The following PGR variants were observed in gnomAD, a reference collection of about 807,000 sequenced individuals.
The protein encoded by PGR is progesterone receptor, also known as nuclear receptor subfamily 3 group C member 3.
In PGR, 25 loss-of-function variants were observed where a neutral mutation model predicts 76.1. The observed-to-expected ratio is 0.33, with a 90% confidence interval of 0.24 to 0.46. The LOEUF (loss-of-function observed/expected upper bound fraction) is 0.46, where lower values mean the gene tolerates loss of function less well. Among genes scored for constraint, PGR ranks in the 20% least tolerant of loss-of-function variants. The probability of loss-of-function intolerance (pLI) is 1.00; values close to 1 mark genes in which losing one functional copy is unlikely to be tolerated. For missense variants in PGR, 1,172 were observed against 1,225.3 expected (o/e 0.96, Z 0.65); for synonymous variants, 579 against 535.0 (o/e 1.08, Z -1.14).
chr11:101,046,392 A>T (rs1859888905), intron 6 of PGR, among the ~76,000 whole-genome samples: 1 of 136,450 alleles, frequency 7.3e-6, no homozygotes, highest in South Asian at 2.3e-4. Flanking sequence ...GGTTCAAGCC[A>T]TCTGCCCAGC....
intron 2 of PGR, among the ~76,000 whole-genome samples, chr11:101,094,912 G>A (rs945987185): frequency 2.6e-5 from 4 of 152,112 alleles, no homozygotes; most frequent in East Asian, 1.9e-4. Context: ...GAGTGAATTT[G>A]GTCCTTTTTA....
intron 3 of PGR, among the ~76,000 whole-genome samples, chr11:101,084,909 T>C (rs529390501): frequency 1.3e-5 from 2 of 152,160 alleles, no homozygotes; most frequent in South Asian, 4.1e-4. Flanking sequence ...AATAAGAAGA[T>C]TTAACTATCC....
Position 101,041,994 on chromosome 11 carries a change from C to T in PGR, c.2597G>A (p.Ser866Asn), listed in dbSNP as rs780426100. 2.2e-5 allele frequency: 35 copies of T among 1,613,454 alleles called. No individual in the cohort carries two copies. The highest frequency in any genetic ancestry group is 1.6e-4 in the Middle Eastern group (1 of 6,082). Residue 866 changes from serine (S) to asparagine (N), a missense_variant, in exon 7 of 8, where the codon AGC (serine) becomes AAC (asparagine). Transcript: ENST00000325455. ...TGTAAGTTGATAGAAACGCTGTGAG[C>T]TCGACACAACTCCTTTTTGCCTCAA... ...IGLRQKGVVS[S>N]SQRFYQLTKL...
intron 1 of PGR, 41 bp from the exon 2 acceptor site, chr11:101,126,199 CA>C: frequency 6.3e-7 from 1 of 1,596,194 alleles, no homozygotes. Context: ...TTTTTAAGTG[CA>C]CCACTATCTA....
intron 3 of PGR, among the ~76,000 whole-genome samples, chr11:101,068,470 C>T (rs1376533007): frequency 2.0e-5 from 3 of 152,088 alleles, no homozygotes; most frequent in African/African-American, 2.4e-5. Context: ...CCAATAATAG[C>T]TCCATCAAGC....
At chr11:101,105,555 C>G (rs1382142642) in intron 2 of PGR, among the ~76,000 whole-genome samples, 1 of 148,790 alleles carries the variant, frequency 6.7e-6, no homozygotes, top group East Asian at 2.0e-4. Flanking sequence ...GAACTACAAA[C>G]CACTGCTCAA....
chr11:101,064,317 G>C (rs1218173527), intron 3 of PGR, among the ~76,000 whole-genome samples: 1 of 89,830 alleles, frequency 1.1e-5, no homozygotes, highest in African/African-American at 4.6e-5. Flanking sequence ...GGTGACAAGG[G>C]AGAAACTCCA....
rs931939330 is a variant in PGR, at chr11:101,034,373, T to A, written c.*4743A>T. The stretch of plus-strand genomic sequence containing the variant: ...TGTGCCTGTGACCTGAGCTCTGCCT[T>A]GGAATGAGGTCAACTCCAAGGAGGA... On this transcript the variant is annotated 3_prime_UTR_variant, in exon 8 of 8. Coordinates refer to ENST00000325455, the MANE Select transcript of PGR (RefSeq NM_000926.4). The A allele has an allele frequency of 1.4e-5, 3 of 208,738 alleles. No individual in the cohort carries two copies. Among genetic ancestry groups the A allele is most frequent in the Non-Finnish European group, 2.9e-5 (3 of 102,594 alleles). 12.9% of individuals were successfully genotyped at this position (208,738 alleles called of 1,614,324 possible). A position where few individuals can be genotyped will look rare whatever the true frequency, so the allele number is the denominator to read the frequency against.
chr11:101,059,704 C>T (rs188865386), intron 4 of PGR, among the ~76,000 whole-genome samples: 11 of 151,454 alleles, frequency 7.3e-5, no homozygotes, highest in East Asian at 2.0e-4. Flanking sequence ...AGCAAGGTGG[C>T]GCATGCCTGT....
In PGR at chr11:101,079,382, A is replaced by G. The variant is rs186235683; in HGVS notation, c.1906+12378T>C. On this transcript the variant is annotated intron_variant, in intron 3 of 7. Transcript: ENST00000325455. ...TTTGAAAACTATTCATCTGACAAGG[A>G]GTTAATTATCAGAATATATAAGGAA... Among the ~76,000 whole-genome samples, 696 of 152,152 alleles carry G rather than the reference A, an allele frequency of 4.6e-3. 4 individuals carry two copies. The highest frequency in any genetic ancestry group is 7.8e-3 in the Non-Finnish European group (531 of 68,004).
rs11571226 is a variant in PGR, at chr11:101,061,211, C to T, written c.2212+1236G>A. On this transcript the variant is annotated intron_variant, in intron 4 of 7. Coordinates refer to ENST00000325455, the MANE Select transcript of PGR (RefSeq NM_000926.4). Reference sequence around the variant, plus strand: ...TTAAAGCTCTGTCAAGTTTGATAACCACTATGTGATAAATCTTAAACATTT... The same window carrying T: ...TTAAAGCTCTGTCAAGTTTGATAACTACTATGTGATAAATCTTAAACATTT... 9.0e-3 allele frequency among the ~76,000 whole-genome samples: 1,369 copies of T among 152,150 alleles called. 12 individuals carry two copies. The highest frequency in any genetic ancestry group is 0.031 in the African/African-American group (1,300 of 41,518).
In PGR at chr11:101,126,156, G is replaced by T; in HGVS notation, c.1640C>A (p.Pro547Gln). 1 of 1,613,830 alleles carries T rather than the reference G, an allele frequency of 6.2e-7. No homozygotes were observed. Among genetic ancestry groups the T allele is most frequent in the Non-Finnish European group, 8.5e-7 (1 of 1,179,866 alleles). ...VYPPYLNYLR[P>Q]DSEASQSPQY... ...TGGGCTCTGGCTGGCTTCTGAATCC[G>T]GCCTTGAAATGCAAAACAAAGTACT... Residue 547 changes from proline (P) to glutamine (Q), a missense_variant and splice_region_variant, in exon 2 of 8, where the codon CCG becomes CAG. By Grantham distance (76) the Pro-to-Gln change is moderately conservative (BLOSUM62 -1). This residue lies in a region of PGR where 893 missense variants were observed against 785.9 expected (regional missense o/e 1.14). Transcript: ENST00000325455.
At position 101,036,814 on chromosome 11, in the gene PGR, T is replaced by A. The variant is rs11571285; in HGVS notation, c.*2302A>T. On this transcript the variant is annotated 3_prime_UTR_variant, in exon 8 of 8. Transcript: ENST00000325455. ...AAATTAGAAAATTTTAAAGTTATTATGGAAATTAAATATATGCTGGTGGAA... is the reference window on the plus strand; with the variant it reads ...AAATTAGAAAATTTTAAAGTTATTAAGGAAATTAAATATATGCTGGTGGAA... 461 of 191,762 alleles carry A rather than the reference T, an allele frequency of 2.4e-3. 2 individuals are homozygous for A. The highest frequency in any genetic ancestry group is 0.01 in the African/African-American group (442 of 43,146). 11.9% of individuals were successfully genotyped at this position (191,762 alleles called of 1,614,324 possible). A position where few individuals can be genotyped will look rare whatever the true frequency, so the allele number is the denominator to read the frequency against.
intron 3 of PGR, among the ~76,000 whole-genome samples, chr11:101,069,900 T>C (rs1042428903): frequency 1.8e-4 from 27 of 151,764 alleles, no homozygotes; most frequent in African/African-American, 6.1e-4. Context: ...AAACATCTAA[T>C]GTAGATGATG....
intron 2 of PGR, among the ~76,000 whole-genome samples, chr11:101,118,703 A>G (rs1862582679): frequency 6.6e-6 from 1 of 152,224 alleles, no homozygotes; most frequent in African/African-American, 2.4e-5. Context: ...CATATCACTT[A>G]TTAAAAAGCA....
chr11:101,031,324 T>C lies in PGR; in HGVS notation c.*7792A>G, dbSNP rs972682539. The C allele has an allele frequency of 1.8e-5, 4 of 222,428 alleles. No individual in the cohort carries two copies. Among genetic ancestry groups the C allele is most frequent in the Admixed American group, 1.1e-4 (2 of 17,410 alleles). The allele number at this position is 222,428 out of a possible 1,614,324, so 13.8% of individuals were successfully genotyped here. A position where few individuals can be genotyped will look rare whatever the true frequency, so the allele number is the denominator to read the frequency against. ...GACTGGTGTATGGCCAGTGAGGACC[T>C]GGAGAAAGAAACCTCCTTCCCACAG... On this transcript the variant is annotated 3_prime_UTR_variant, in exon 8 of 8. Coordinates refer to ENST00000325455, the MANE Select transcript of PGR (RefSeq NM_000926.4).
In PGR at chr11:101,037,297, TTATC is replaced by T. The variant is rs549015491; in HGVS notation, c.*1815_*1818del. 5.1e-5 allele frequency: 11 copies of T among 213,984 alleles called. No individual in the cohort carries two copies. In the South Asian group the frequency reaches 2.1e-3, roughly 40 times the overall value. The allele number at this position is 213,984 out of a possible 1,614,324, so 13.3% of individuals were successfully genotyped here. On this transcript the variant is annotated 3_prime_UTR_variant, in exon 8 of 8. Coordinates refer to ENST00000325455, the MANE Select transcript of PGR (RefSeq NM_000926.4). The stretch of plus-strand genomic sequence containing the variant: ...AGTGTACAAATATTAAAATGCCTAT[TTATC>T]AGGCACTGTAATTTATACCTACTAC...
intron 3 of PGR, among the ~76,000 whole-genome samples, chr11:101,068,540 A>T (rs1591386135): frequency 6.6e-6 from 1 of 152,188 alleles, no homozygotes; most frequent in Non-Finnish European, 1.5e-5. Context: ...TATGGAACCA[A>T]AAAAGAGCCT....
At chr11:101,078,308 C>G (rs1457498926) in intron 3 of PGR, among the ~76,000 whole-genome samples, 5 of 152,036 alleles carry the variant, frequency 3.3e-5, no homozygotes, top group Non-Finnish European at 7.4e-5. Context: ...ACCCATAAAA[C>G]CTGTAACTGT....
Sources: gnomAD v4.1 joint callset for allele counts (sites outside exome capture counted in the v4.1 genomes callset) on GRCh38, gnomAD v4.1.1 for gene constraint, gnomAD v4.1.1 regional missense constraint, MANE v1.5 for transcripts, NCBI Gene and HGNC (gene_info 2026-07-23, HGNC 2026-07-21) for gene names.